UBE2Q1: variants seen among roughly 807,000 people sequenced by gnomAD.
The protein encoded by UBE2Q1 is ubiquitin conjugating enzyme E2 Q1, also known as ubiquitin-conjugating enzyme E2 Q1.
A neutral mutation model predicts 60.1 loss-of-function variants in UBE2Q1; 6 were observed. That is an observed-to-expected ratio of 0.10 (90% CI 0.05 to 0.20). UBE2Q1 has a LOEUF of 0.20. Ranked by LOEUF, UBE2Q1 falls within the 10% of genes least tolerant of loss-of-function variation. UBE2Q1 has a pLI of 1.00. For missense variants in UBE2Q1, 262 were observed against 525.8 expected (o/e 0.50, Z 4.91); for synonymous variants, 226 against 208.3 (o/e 1.09, Z -0.73).
rs1364543576 is a variant in UBE2Q1, at chr1:154,548,671, T to C, written c.*1767A>G. 6.6e-6 allele frequency: 1 copy of C among 152,664 alleles called. No individual in the cohort carries two copies. The highest frequency in any genetic ancestry group is 2.4e-5 in the African/African-American group (1 of 41,452). 9.5% of individuals were successfully genotyped at this position (152,664 alleles called of 1,614,324 possible). ...GAAGACAGCTCACAGTACACATTACTAAAAACACAATCTACATTCCAGCCA... is the reference window on the plus strand; with the variant it reads ...GAAGACAGCTCACAGTACACATTACCAAAAACACAATCTACATTCCAGCCA... On this transcript the variant is annotated 3_prime_UTR_variant, in exon 13 of 13. Coordinates refer to ENST00000292211, the MANE Select transcript of UBE2Q1 (RefSeq NM_017582.7).
chr1:154,552,353 C>A, intron 7 of UBE2Q1, 51 bp downstream of exon 7: 2 of 1,609,342 alleles, frequency 1.2e-6, no homozygotes, highest in Non-Finnish European at 1.7e-6. Flanking sequence ...CACAGTAGCC[C>A]CACTCACACT....
intron 4 of UBE2Q1, chr1:154,553,730 T>C (rs750844071): frequency 4.5e-5 from 7 of 153,922 alleles, no homozygotes; most frequent in Non-Finnish European, 8.7e-5. Context: ...GAGAGATATA[T>C]GGAAGAGGTC....
At chr1:154,553,197 G>A (rs773171727) in intron 4 of UBE2Q1, 25 bp from the exon 5 acceptor site, 5 of 1,590,848 alleles carry the variant, frequency 3.1e-6, no homozygotes, top group Non-Finnish European at 4.3e-6. Context: ...GGGTGGGAGT[G>A]AAAAGAAAAG....
intron 6 of UBE2Q1, 51 bp from the exon 7 acceptor site, chr1:154,552,515 G>A (rs753740632): frequency 7.4e-5 from 118 of 1,603,704 alleles, no homozygotes; most frequent in Non-Finnish European, 8.7e-5. Flanking sequence ...GGTGGTGAGT[G>A]GTCTCTAATG....
rs376922984 is a variant in UBE2Q1, at chr1:154,552,082, A to T, written c.966+11T>A. The T allele has an allele frequency of 1.9e-6, 3 of 1,613,616 alleles. No individual in the cohort carries two copies. The highest frequency in any genetic ancestry group is 1.7e-5 in the Admixed American group (1 of 60,004). The stretch of plus-strand genomic sequence containing the variant: ...AGGCCAGAGGGAGAGACTGGAAAAG[A>T]AAAGTCTTACTTTAAAGGAAAAGTT... On this transcript the variant is annotated intron_variant, in intron 8 of 12. Transcript: ENST00000292211.
chr1:154,555,273 C>T lies in UBE2Q1; in HGVS notation c.537+155G>A, dbSNP rs745797346. 2.6e-5 allele frequency among the ~76,000 whole-genome samples: 4 copies of T among 152,260 alleles called. No individual in the cohort carries two copies. The South Asian group carries it at 8.3e-4, about 32-fold the overall frequency. On this transcript the variant is annotated intron_variant, in intron 3 of 12. Coordinates refer to ENST00000292211, the MANE Select transcript of UBE2Q1 (RefSeq NM_017582.7). ...TGCCCCATTTAGCAAAAGAAGATTCCCATCTGGAGAAGAACGAGGGTGAGA... is the reference window on the plus strand; with the variant it reads ...TGCCCCATTTAGCAAAAGAAGATTCTCATCTGGAGAAGAACGAGGGTGAGA...
chr1:154,554,182 T>C (rs1695843656), intron 4 of UBE2Q1, among the ~76,000 whole-genome samples: 1 of 152,206 alleles, frequency 6.6e-6, no homozygotes, highest in Non-Finnish European at 1.5e-5. Flanking sequence ...TGAGGTCAAT[T>C]ATCATGCCCA....
intron 4 of UBE2Q1, among the ~76,000 whole-genome samples, chr1:154,554,037 A>G (rs1430231944): frequency 6.6e-6 from 1 of 152,260 alleles, no homozygotes; most frequent in Non-Finnish European, 1.5e-5. Flanking sequence ...CCACACCAGC[A>G]GGTAATGTCT....
chr1:154,551,629 T>C (rs1695791606), intron 10 of UBE2Q1, 137 bp from the exon 11 acceptor site: 2 of 1,441,466 alleles, frequency 1.4e-6, no homozygotes, highest in East Asian at 2.3e-5. Flanking sequence ...CACCTGTCTG[T>C]CTAGGTCAGT....
At chr1:154,556,102 C>T (rs1329476876) in intron 1 of UBE2Q1, 138 bp from the exon 2 acceptor site, 1 of 648,430 alleles carries the variant, frequency 1.5e-6, no homozygotes, top group South Asian at 1.9e-5. Context: ...AAAAGCCCAA[C>T]TTAGGTCAGC....
At chr1:154,555,736 C>T (rs954799262) in intron 2 of UBE2Q1, 124 bp downstream of exon 2, 105 of 982,052 alleles carry the variant, frequency 1.1e-4, no homozygotes, top group Non-Finnish European at 1.5e-4. Context: ...GCAACTCCCC[C>T]GAGAGGTCAT....
chr1:154,557,051 A>T (rs1695901839), intron 1 of UBE2Q1, among the ~76,000 whole-genome samples: 1 of 152,240 alleles, frequency 6.6e-6, no homozygotes, highest in Non-Finnish European at 1.5e-5. Flanking sequence ...GCAGGAAAAA[A>T]GAAAGGAAAT....
In UBE2Q1 at chr1:154,551,325, C is replaced by T. The variant is rs1035617707; in HGVS notation, c.1170+72G>A. 7 of 1,516,254 alleles carry T rather than the reference C, an allele frequency of 4.6e-6. No homozygotes were observed. In the South Asian group the frequency reaches 5.7e-5, roughly 12 times the overall value. 93.9% of individuals were successfully genotyped at this position (1,516,254 alleles called of 1,614,324 possible). On this transcript the variant is annotated intron_variant, in intron 11 of 12. Coordinates refer to ENST00000292211, the MANE Select transcript of UBE2Q1 (RefSeq NM_017582.7). The stretch of plus-strand genomic sequence containing the variant: ...TGCTCATTCCTCTAAAGAAGGCAGC[C>T]TTGGCCTGCTAGTGGCCCCAAGTGT...
rs747077492 is a variant in UBE2Q1, at chr1:154,554,720, AG to A, written c.588+14del. 2 of 1,612,918 alleles carry A rather than the reference AG, an allele frequency of 1.2e-6. No homozygotes were observed. The highest frequency in any genetic ancestry group is 1.7e-6 in the Non-Finnish European group (2 of 1,179,128). Reference sequence around the variant, plus strand: ...AAGAGCTTCCAGCCAATGCCACCTCAGGGGGCAAGCCTACCTCAGGCATCTC... The same window carrying A: ...AAGAGCTTCCAGCCAATGCCACCTCAGGGGCAAGCCTACCTCAGGCATCTC... On this transcript the variant is annotated intron_variant, in intron 4 of 12. Coordinates refer to ENST00000292211, the MANE Select transcript of UBE2Q1 (RefSeq NM_017582.7).
intron 3 of UBE2Q1, chr1:154,555,075 A>C: frequency 1.9e-6 from 1 of 521,874 alleles, no homozygotes; most frequent in Non-Finnish European, 3.4e-6. Flanking sequence ...CCCCTCCTTT[A>C]CTTGATCTTC....
intron 4 of UBE2Q1, chr1:154,553,728 T>C (rs1373327072): frequency 1.3e-5 from 2 of 153,948 alleles, no homozygotes; most frequent in Admixed American, 6.4e-5. Flanking sequence ...CAGAGAGATA[T>C]ATGGAAGAGG....
At chr1:154,554,857 C>T in intron 3 of UBE2Q1, 72 bp from the exon 4 acceptor site, 2 of 1,528,492 alleles carry the variant, frequency 1.3e-6, no homozygotes, top group African/African-American at 1.4e-5. Context: ...CAACCTACTC[C>T]CCTGAGCCCC....
In UBE2Q1 at chr1:154,553,019, A is replaced by G. The variant is rs974854389; in HGVS notation, c.729+13T>C. The G allele has an allele frequency of 6.2e-7, 1 of 1,613,582 alleles. No homozygotes were observed. Among genetic ancestry groups the G allele is most frequent in the African/African-American group, 1.3e-5 (1 of 74,812 alleles). On this transcript the variant is annotated intron_variant, in intron 5 of 12. Transcript: ENST00000292211. ...CCAACCCCTTCACCAGCCTCTCTCT[A>G]GAAGGCACGTACATTTAAGTAATCT...
In UBE2Q1 at chr1:154,558,480, G is replaced by A; in HGVS notation, c.74C>T (p.Pro25Leu). Residue 25 changes from proline to leucine, a missense_variant, in exon 1 of 13, where the codon CCG becomes CTG. By Grantham distance (98) the Pro-to-Leu change is moderately conservative. This residue lies in a region of UBE2Q1 where 70 missense variants were observed against 56.7 expected (regional missense o/e 1.24). Transcript: ENST00000292211. The part of the protein sequence containing the change: ...GQQLGGQGAA[P>L]GAGGGPGGGP... ...CCCCCCTGGGCCGCCCCCGGCCCCC[G>A]GCGCCGCCCCCTGGCCCCCCAGCTG... The A allele has an allele frequency of 1.5e-6, 1 of 670,960 alleles. No homozygotes were observed. The highest frequency in any genetic ancestry group is 1.9e-6 in the Non-Finnish European group (1 of 514,638). 41.6% of individuals were successfully genotyped at this position (670,960 alleles called of 1,614,324 possible). A position where few individuals can be genotyped will look rare whatever the true frequency, so the allele number is the denominator to read the frequency against.
Sources: allele counts gnomAD v4.1 joint callset (sites outside exome capture counted in the v4.1 genomes callset), GRCh38; gene constraint gnomAD v4.1.1; regional missense constraint gnomAD v4.1.1; transcripts MANE v1.5; gene names NCBI Gene and HGNC (gene_info 2026-07-23, HGNC 2026-07-21).